DNAH14: variants seen among roughly 807,000 people sequenced by gnomAD.
DNAH14 encodes dynein axonemal heavy chain 14.
A neutral mutation model predicts 520.9 loss-of-function variants in DNAH14; 478 were observed. That is an observed-to-expected ratio of 0.92 (90% CI 0.85 to 0.99). The LOEUF is 0.99. Ranked by LOEUF, DNAH14 falls within the 50% of genes least tolerant of loss-of-function variation. The probability of loss-of-function intolerance (pLI) is 0.00; values close to 1 mark genes in which losing one functional copy is unlikely to be tolerated. For synonymous variants in DNAH14, 1,581 were observed against 1,757.2 expected, an observed-to-expected ratio of 0.90 and a Z score of 2.51; for missense variants, 4,831 against 5,234.5, an observed-to-expected ratio of 0.92 and a Z score of 2.38.
chr1:225,233,497 A>T (rs1321677072), intron 42 of DNAH14, among the ~76,000 whole-genome samples: 3 of 152,182 alleles, frequency 2.0e-5, no homozygotes, highest in Non-Finnish European at 2.9e-5. Context: ...AATAATCACC[A>T]TTCTGACTGG....
intron 62 of DNAH14, among the ~76,000 whole-genome samples, chr1:225,323,998 T>C (rs1202977494): frequency 6.6e-6 from 1 of 152,038 alleles, no homozygotes. Flanking sequence ...GTATTTTTAG[T>C]AGAGACAGGA....
intron 15 of DNAH14, among the ~76,000 whole-genome samples, chr1:225,049,751 T>C (rs760721278): frequency 4.1e-5 from 6 of 147,804 alleles, no homozygotes; most frequent in Non-Finnish European, 7.4e-5. Context: ...GAGGTTTGTT[T>C]ATCTATCTGT....
At chr1:224,932,278 C>A (rs543559535) in intron 1 of DNAH14, among the ~76,000 whole-genome samples, 1 of 151,824 alleles carries the variant, frequency 6.6e-6, no homozygotes. Context: ...CTATGCTTGT[C>A]CTTTGCATAC....
At chr1:225,218,726 AC>A (rs2149494511) in intron 41 of DNAH14, among the ~76,000 whole-genome samples, 1 of 152,238 alleles carries the variant, frequency 6.6e-6, no homozygotes, top group African/African-American at 2.4e-5. Flanking sequence ...AGACTTTAAC[AC>A]CCCACAGTCA....
At position 225,185,297 on chromosome 1, in the gene DNAH14, G is replaced by A; in HGVS notation, c.5542G>A (p.Val1848Ile). Reference sequence around the variant, plus strand: ...TCTGTAAATTTTGTTTTAGGTTTGTGTTGGTGTGATGTTAGTGGGCCCAAC... The same window carrying A: ...TCTGTAAATTTTGTTTTAGGTTTGTATTGGTGTGATGTTAGTGGGCCCAAC... ...IQFYNQLQVC[V>I]GVMLVGPTGG... The change falls in exon 37 of 86, where the codon GTT (valine) becomes ATT (isoleucine). Residue 1848 changes from valine to isoleucine, a missense_variant. Coordinates refer to ENST00000682510, the MANE Select transcript of DNAH14 (RefSeq NM_001367479.1). 6.5e-7 allele frequency: 1 copy of A among 1,541,870 alleles called. No individual in the cohort carries two copies. Among genetic ancestry groups the A allele is most frequent in the Non-Finnish European group, 8.7e-7 (1 of 1,143,926 alleles).
chr1:225,332,394 A>G (rs1388718845), intron 65 of DNAH14, among the ~76,000 whole-genome samples: 2 of 152,144 alleles, frequency 1.3e-5, no homozygotes, highest in Non-Finnish European at 2.9e-5. Flanking sequence ...GATGGTGAGC[A>G]CCAAAACAGA....
chr1:225,255,624 G>A (rs1558171124), intron 44 of DNAH14, among the ~76,000 whole-genome samples: 1 of 152,138 alleles, frequency 6.6e-6, no homozygotes, highest in Non-Finnish European at 1.5e-5. Flanking sequence ...CCAGTCAGAA[G>A]CCAATGGACA....
At chr1:224,943,012 G>T (rs1352259272) in intron 1 of DNAH14, among the ~76,000 whole-genome samples, 1 of 152,144 alleles carries the variant, frequency 6.6e-6, no homozygotes, top group Non-Finnish European at 1.5e-5. Flanking sequence ...GATGATGCTG[G>T]CCTCATAAAA....
chr1:225,341,854 G>A (rs1379346918), intron 69 of DNAH14, among the ~76,000 whole-genome samples: 1 of 152,110 alleles, frequency 6.6e-6, no homozygotes, highest in South Asian at 2.1e-4. Flanking sequence ...ACAATGGACT[G>A]CCTTTCTATT....
intron 81 of DNAH14, among the ~76,000 whole-genome samples, chr1:225,385,380 G>A (rs191662389): frequency 3.3e-5 from 5 of 152,282 alleles, no homozygotes; most frequent in South Asian, 2.1e-4. Flanking sequence ...TTTGGCCAGC[G>A]CAGTCAGGCA....
intron 17 of DNAH14, among the ~76,000 whole-genome samples, chr1:225,057,360 A>T (rs1259241395): frequency 6.6e-6 from 1 of 152,124 alleles, no homozygotes; most frequent in Non-Finnish European, 1.5e-5. Context: ...AATGCTTTTG[A>T]TTTTTGCACA....
chr1:225,070,094 C>T lies in DNAH14; in HGVS notation c.2425-9113C>T, dbSNP rs749837553. On this transcript the variant is annotated intron_variant, in intron 17 of 85. Transcript: ENST00000682510. Reference sequence around the variant, plus strand: ...TGATTGCATTTATTTGAATACTCTCCCTTTTCTACTTTATTCGTCTAGCTA... The same window carrying T: ...TGATTGCATTTATTTGAATACTCTCTCTTTTCTACTTTATTCGTCTAGCTA... Among the ~76,000 whole-genome samples, 7 of 151,906 alleles carry T rather than the reference C, an allele frequency of 4.6e-5. 1 individual carries two copies. The South Asian group carries it at 8.3e-4, about 18-fold the overall frequency.
chr1:225,109,385 T>C (rs2148808883), intron 23 of DNAH14, among the ~76,000 whole-genome samples: 2 of 152,284 alleles, frequency 1.3e-5, no homozygotes, highest in East Asian at 3.9e-4. Flanking sequence ...TCCTCATCAA[T>C]TTCTTGCATC....
At chr1:225,047,049 T>C (rs2068029318) in intron 15 of DNAH14, among the ~76,000 whole-genome samples, 1 of 152,228 alleles carries the variant, frequency 6.6e-6, no homozygotes, top group Non-Finnish European at 1.5e-5. Flanking sequence ...CTAAGATCTA[T>C]GCACTAGATG....
At chr1:224,938,855 G>C (rs1273842682) in intron 1 of DNAH14, among the ~76,000 whole-genome samples, 1 of 152,108 alleles carries the variant, frequency 6.6e-6, no homozygotes, top group East Asian at 1.9e-4. Flanking sequence ...CTATTCAGCT[G>C]TAAAAAAGAA....
chr1:225,248,196 A>T (rs951114183), intron 43 of DNAH14, among the ~76,000 whole-genome samples: 1 of 152,166 alleles, frequency 6.6e-6, no homozygotes, highest in Non-Finnish European at 1.5e-5. Context: ...ATCGTCAAAC[A>T]CCTGTAACTC....
At position 225,343,851 on chromosome 1, in the gene DNAH14, T is replaced by G. The variant is rs543852783; in HGVS notation, c.10679-2111T>G. Among the ~76,000 whole-genome samples the G allele has an allele frequency of 4.6e-4, 70 of 152,266 alleles. 1 individual carries two copies. In the South Asian group the frequency reaches 0.014, roughly 31 times the overall value. On this transcript the variant is annotated intron_variant, in intron 69 of 85. Transcript: ENST00000682510. The stretch of plus-strand genomic sequence containing the variant: ...CTTAGGGAGCAAAATATCTAAGTAT[T>G]ATATAATATACATAGAAGGTGACAA...
chr1:225,063,795 A>G (rs559186850), intron 17 of DNAH14, among the ~76,000 whole-genome samples: 14 of 152,160 alleles, frequency 9.2e-5, no homozygotes, highest in African/African-American at 2.9e-4. Context: ...GGAGCGCTCA[A>G]TGAAATCCAA....
intron 36 of DNAH14, among the ~76,000 whole-genome samples, chr1:225,184,648 A>G (rs568376895): frequency 8.2e-4 from 125 of 152,126 alleles, no homozygotes; most frequent in Middle Eastern, 3.4e-3. Context: ...AACAAAACAT[A>G]TGATTGTCTC....
Sources: allele counts gnomAD v4.1 joint callset (sites outside exome capture counted in the v4.1 genomes callset), GRCh38; gene constraint gnomAD v4.1.1; transcripts MANE v1.5; gene names NCBI Gene and HGNC (gene_info 2026-07-23, HGNC 2026-07-21).